GRIK4: variants seen among roughly 807,000 people sequenced by gnomAD.
GRIK4 encodes the protein glutamate receptor ionotropic, kainate 4.
In GRIK4, 40 loss-of-function variants were observed where a neutral mutation model predicts 104.9. The observed-to-expected ratio is 0.38, with a 90% CI of 0.30 to 0.50. The LOEUF (loss-of-function observed/expected upper bound fraction) is 0.50. Ranked by LOEUF, GRIK4 falls within the 20% of genes least tolerant of loss-of-function variation. The probability of loss-of-function intolerance (pLI) is 0.93; values close to 1 mark genes in which losing one functional copy is unlikely to be tolerated. For missense variants in GRIK4, 1,047 were observed against 1,308.1 expected (o/e 0.80, Z 3.08); for synonymous variants, 485 against 524.9 (o/e 0.92, Z 1.04).
intron 1 of GRIK4, among the ~76,000 whole-genome samples, chr11:120,636,207 T>C (rs1027733786): frequency 6.6e-6 from 1 of 152,216 alleles, no homozygotes; most frequent in Non-Finnish European, 1.5e-5. Context: ...TGAATGGTGA[T>C]GCTTTAAATG....
At chr11:120,851,248 C>T (rs1953966636) in intron 8 of GRIK4, among the ~76,000 whole-genome samples, 1 of 152,164 alleles carries the variant, frequency 6.6e-6, no homozygotes, top group African/African-American at 2.4e-5. Flanking sequence ...TCACCCACTG[C>T]ACCCCCCAGC....
chr11:120,527,597 G>A (rs1020671201), intron 1 of GRIK4, among the ~76,000 whole-genome samples: 1 of 152,226 alleles, frequency 6.6e-6, no homozygotes, highest in African/African-American at 2.4e-5. Context: ...GGCGGGCTGG[G>A]GGCTGGGAGG....
intron 3 of GRIK4, among the ~76,000 whole-genome samples, chr11:120,780,890 T>C (rs1481265075): frequency 2.0e-5 from 3 of 151,982 alleles, no homozygotes; most frequent in Non-Finnish European, 2.9e-5. Flanking sequence ...TACAGGCGCC[T>C]GCCACCACGC....
chr11:120,521,445 C>G (rs765779400), intron 1 of GRIK4, among the ~76,000 whole-genome samples: 1 of 152,144 alleles, frequency 6.6e-6, no homozygotes, highest in African/African-American at 2.4e-5. Flanking sequence ...GTCCTCTCCC[C>G]CAAAGAGCTC....
chr11:120,576,945 T>G (rs1948493354), intron 1 of GRIK4, among the ~76,000 whole-genome samples: 1 of 152,250 alleles, frequency 6.6e-6, no homozygotes, highest in African/African-American at 2.4e-5. Flanking sequence ...CTCAGCTCCC[T>G]GTTCTCCTAA....
chr11:120,880,599 A>G (rs1192912864), intron 11 of GRIK4, among the ~76,000 whole-genome samples: 1 of 152,178 alleles, frequency 6.6e-6, no homozygotes, highest in Non-Finnish European at 1.5e-5. Context: ...CAAGCCTTTC[A>G]TGGATTCCTC....
intron 4 of GRIK4, among the ~76,000 whole-genome samples, chr11:120,806,098 G>A (rs543106059): frequency 2.0e-5 from 3 of 152,146 alleles, no homozygotes; most frequent in African/African-American, 4.8e-5. Context: ...TAGGTGAAAC[G>A]CTCGGCACTG....
intron 3 of GRIK4, among the ~76,000 whole-genome samples, chr11:120,718,935 C>T (rs1456076348): frequency 1.3e-5 from 2 of 152,194 alleles, no homozygotes; most frequent in East Asian, 1.9e-4. Flanking sequence ...AGTTATTAAC[C>T]ATAGGAATGG....
chr11:120,793,250 G>A (rs556361240), intron 3 of GRIK4, among the ~76,000 whole-genome samples: 66 of 152,250 alleles, frequency 4.3e-4, no homozygotes, highest in Middle Eastern at 6.8e-3. Context: ...GGTGAAGTCA[G>A]CAAATGTTGA....
chr11:120,851,342 C>T (rs888146497), intron 8 of GRIK4, among the ~76,000 whole-genome samples: 1 of 152,158 alleles, frequency 6.6e-6, no homozygotes, highest in Admixed American at 6.5e-5. Flanking sequence ...TTTCTCTGTT[C>T]GTGAAACTCC....
rs1565379693 is a variant in GRIK4 at position 120,831,777 on chromosome 11, C to T, written c.512-75C>T. On this transcript the variant is annotated intron_variant, in intron 6 of 20. Coordinates refer to ENST00000527524, the MANE Select transcript of GRIK4 (RefSeq NM_014619.5). The stretch of plus-strand genomic sequence containing the variant: ...CCACTTCCAGCCCACATCTCCGTGC[C>T]TTCCTGCTTCTGCCCAGGTGTCTCT... 1.9e-5 allele frequency: 23 copies of T among 1,186,646 alleles called. No individual in the cohort carries two copies. The South Asian group carries it at 3.2e-4, about 16-fold the overall frequency. The allele number at this position is 1,186,646 out of a possible 1,614,324, so 73.5% of individuals were successfully genotyped here. A position where few individuals can be genotyped will look rare whatever the true frequency, so the allele number is the denominator to read the frequency against.
chr11:120,883,649 T>C (rs1955031704), intron 11 of GRIK4, among the ~76,000 whole-genome samples: 1 of 152,196 alleles, frequency 6.6e-6, no homozygotes, highest in South Asian at 2.1e-4. Context: ...CTTATCAGCT[T>C]TGATGGAAAA....
intron 4 of GRIK4, among the ~76,000 whole-genome samples, chr11:120,815,120 G>T (rs1952914982): frequency 6.6e-6 from 1 of 152,250 alleles, no homozygotes; most frequent in Non-Finnish European, 1.5e-5. Flanking sequence ...CACCCTGTTG[G>T]CTATGGCCGT....
chr11:120,511,844 G>GCGCCCGGCCCCCGGCTC lies in GRIK4; in HGVS notation c.-201_-185dup, dbSNP rs1947659040. On this transcript the variant is annotated 5_prime_UTR_variant, in exon 1 of 21. Coordinates refer to ENST00000527524, the MANE Select transcript of GRIK4 (RefSeq NM_014619.5). The stretch of plus-strand genomic sequence containing the variant: ...CAGCAGCCCCGCGGCCGGCCCGGCA[G>GCGCCCGGCCCCCGGCTC]CGCCCGGCCCCCGGCTCAGCCCCCG... The GCGCCCGGCCCCCGGCTC allele has an allele frequency of 5.7e-6, 2 of 351,960 alleles. No individual in the cohort carries two copies. The highest frequency in any genetic ancestry group is 1.2e-5 in the Non-Finnish European group (2 of 173,122). The allele number at this position is 351,960 out of a possible 1,614,324, so 21.8% of individuals were successfully genotyped here.
intron 1 of GRIK4, among the ~76,000 whole-genome samples, chr11:120,527,831 G>A (rs941958305): frequency 6.6e-6 from 1 of 152,216 alleles, no homozygotes; most frequent in Non-Finnish European, 1.5e-5. Context: ...CACGGGTGGA[G>A]GAAGAGGCTT....
chr11:120,687,081 C>A (rs1464835811), intron 3 of GRIK4, among the ~76,000 whole-genome samples: 2 of 152,222 alleles, frequency 1.3e-5, no homozygotes, highest in South Asian at 2.1e-4. Context: ...TGATACCTTA[C>A]ATTTGTATGA....
intron 8 of GRIK4, among the ~76,000 whole-genome samples, chr11:120,853,766 A>G (rs1046065854): frequency 6.6e-6 from 1 of 152,226 alleles, no homozygotes; most frequent in African/African-American, 2.4e-5. Flanking sequence ...ATAATATTTT[A>G]AGAAATTAGA....
At chr11:120,785,955 A>G (rs1028029661) in intron 3 of GRIK4, among the ~76,000 whole-genome samples, 2 of 152,026 alleles carry the variant, frequency 1.3e-5, no homozygotes, top group African/African-American at 4.8e-5. Flanking sequence ...CTTCCAACCC[A>G]TCTCCAGAGC....
At chr11:120,793,578 G>A (rs1952444147) in intron 3 of GRIK4, among the ~76,000 whole-genome samples, 1 of 152,162 alleles carries the variant, frequency 6.6e-6, no homozygotes, top group African/African-American at 2.4e-5. Flanking sequence ...CTGAGAGCCA[G>A]GGGCTGAGAG....
Sources: gnomAD v4.1 joint callset for allele counts (sites outside exome capture counted in the v4.1 genomes callset) on GRCh38, gnomAD v4.1.1 for gene constraint, MANE v1.5 for transcripts, NCBI Gene and HGNC (gene_info 2026-07-23, HGNC 2026-07-21) for gene names.